ARHGAP24: variants seen among roughly 807,000 people sequenced by gnomAD.
The protein encoded by ARHGAP24 is Rho GTPase activating protein 24.
Under a neutral mutation model 76.4 loss-of-function variants are expected in ARHGAP24, and 50 were observed. The ratio of observed to expected loss-of-function variants is 0.65; its 90% confidence interval spans 0.52 to 0.83. The LOEUF is 0.83. Ranked by LOEUF, ARHGAP24 falls within the 40% of genes least tolerant of loss-of-function variation. The pLI is 0.00. For synonymous variants in ARHGAP24, 345 were observed against 323.3 expected (o/e 1.07, Z -0.72); for missense variants, 930 against 914.2 (o/e 1.02, Z -0.22).
At chr4:85,663,701 C>A (rs967928584) in intron 2 of ARHGAP24, among the ~76,000 whole-genome samples, 2 of 151,696 alleles carry the variant, frequency 1.3e-5, no homozygotes, top group African/African-American at 4.9e-5. Context: ...CCATCAATAT[C>A]TAATTTATTG....
At chr4:85,488,264 A>AGGGG (rs1723223376) in intron 1 of ARHGAP24, among the ~76,000 whole-genome samples, 1 of 151,664 alleles carries the variant, frequency 6.6e-6, no homozygotes, top group Admixed American at 6.6e-5. Context: ...TCCTGTGGAG[A>AGGGG]GGGGGAAAAG....
At chr4:85,599,201 G>C (rs895637379) in intron 2 of ARHGAP24, among the ~76,000 whole-genome samples, 1 of 152,032 alleles carries the variant, frequency 6.6e-6, no homozygotes, top group Non-Finnish European at 1.5e-5. Context: ...TTGCTGTGGA[G>C]AGATGTTTAG....
chr4:85,499,753 A>C (rs576892536), intron 1 of ARHGAP24, among the ~76,000 whole-genome samples: 78 of 152,350 alleles, frequency 5.1e-4, no homozygotes, highest in African/African-American at 1.8e-3. Context: ...ATAGAGACTC[A>C]TCTAGGTCTG....
chr4:85,866,413 C>G (rs2110184208), intron 3 of ARHGAP24, among the ~76,000 whole-genome samples: 1 of 152,252 alleles, frequency 6.6e-6, no homozygotes, highest in East Asian at 1.9e-4. Context: ...TGCCAGCAAG[C>G]AAAGTCTCTT....
chr4:85,731,893 A>C (rs1428848949), intron 3 of ARHGAP24, among the ~76,000 whole-genome samples: 1 of 152,200 alleles, frequency 6.6e-6, no homozygotes, highest in African/African-American at 2.4e-5. Context: ...AATGTTTTTT[A>C]ATAAAAGAAA....
At chr4:85,595,376 C>G (rs544136883) in intron 2 of ARHGAP24, among the ~76,000 whole-genome samples, 32 of 152,160 alleles carry the variant, frequency 2.1e-4, no homozygotes, top group African/African-American at 7.7e-4. Context: ...CAACTATAAA[C>G]AAGTCAGGTG....
rs79803173 is a variant in ARHGAP24 at position 85,639,971 on chromosome 4, C to T, written c.180+69250C>T. ...ACCATGTCTTCTTATTGTCTGTATC[C>T]TGATGCTTTGATATTAAGGGCCTTG... On this transcript the variant is annotated intron_variant, in intron 2 of 9. Transcript: ENST00000395184. Among the ~76,000 whole-genome samples the T allele has an allele frequency of 5.9e-3, 893 of 152,198 alleles. 6 individuals carry two copies. Among genetic ancestry groups the T allele is most frequent in the Middle Eastern group, 0.017 (5 of 294 alleles).
At chr4:85,902,270 C>T (rs1734537578) in intron 3 of ARHGAP24, among the ~76,000 whole-genome samples, 1 of 152,120 alleles carries the variant, frequency 6.6e-6, no homozygotes, top group Admixed American at 6.5e-5. Context: ...GTGGTAGAGA[C>T]CCCTGAAGAT....
At chr4:85,790,583 G>A (rs1000876479) in intron 3 of ARHGAP24, among the ~76,000 whole-genome samples, 5 of 152,106 alleles carry the variant, frequency 3.3e-5, no homozygotes, top group African/African-American at 1.2e-4. Context: ...ATTTATTAGA[G>A]AACTGTTCTT....
intron 4 of ARHGAP24, among the ~76,000 whole-genome samples, chr4:85,924,982 A>G (rs192546486): frequency 6.6e-6 from 1 of 152,284 alleles, no homozygotes; most frequent in Non-Finnish European, 1.5e-5. Flanking sequence ...GGATGACAAC[A>G]CATACGGTTA....
rs554875382 is a variant in ARHGAP24 at position 85,921,917 on chromosome 4, C to CA, written c.269-1730dup. On this transcript the variant is annotated intron_variant, in intron 3 of 9. Transcript: ENST00000395184. ...GTTCCATTCCGAAACCATCCCCCCC[C>CA]ACCACCCCATTTGTGGAAACAATGT... is the stretch of plus-strand genomic sequence containing the variant. 2.0e-3 allele frequency among the ~76,000 whole-genome samples: 300 copies of CA among 152,188 alleles called. 1 individual carries two copies. The highest frequency in any genetic ancestry group is 3.3e-3 in the South Asian group (16 of 4,806).
At chr4:85,763,492 G>A (rs1287979470) in intron 3 of ARHGAP24, among the ~76,000 whole-genome samples, 5 of 152,132 alleles carry the variant, frequency 3.3e-5, no homozygotes, top group Admixed American at 6.6e-5. Context: ...AAGGGATAGG[G>A]TAGATGAGGA....
At chr4:85,795,048 G>C (rs148298925) in intron 3 of ARHGAP24, among the ~76,000 whole-genome samples, 1 of 152,288 alleles carries the variant, frequency 6.6e-6, no homozygotes, top group Admixed American at 6.5e-5. Context: ...TTCGGAATTC[G>C]TAGATAATCT....
intron 2 of ARHGAP24, among the ~76,000 whole-genome samples, chr4:85,655,497 T>C (rs1001036288): frequency 1.5e-5 from 2 of 135,864 alleles, no homozygotes; most frequent in African/African-American, 5.6e-5. Context: ...AAATGAAAGT[T>C]TGGGGCCAGG....
intron 3 of ARHGAP24, among the ~76,000 whole-genome samples, chr4:85,842,748 T>C (rs345328): frequency 0.23 from 34,645 of 152,186 alleles, 5,282 homozygotes; most frequent in Non-Finnish European, 0.35. Context: ...CTTCCTTTTT[T>C]CTGCTTAATG....
intron 2 of ARHGAP24, among the ~76,000 whole-genome samples, chr4:85,628,105 C>G (rs1721031339): frequency 6.6e-6 from 1 of 152,272 alleles, no homozygotes; most frequent in African/African-American, 2.4e-5. Flanking sequence ...GTCTGGCACT[C>G]CCCGGTGAGA....
chr4:85,687,696 T>A (rs1373586117), intron 2 of ARHGAP24, among the ~76,000 whole-genome samples: 1 of 152,226 alleles, frequency 6.6e-6, no homozygotes, highest in Admixed American at 6.5e-5. Context: ...TGTCTTTGTA[T>A]TGTGAACAGT....
At chr4:85,582,226 T>A (rs1341935160) in intron 2 of ARHGAP24, among the ~76,000 whole-genome samples, 2 of 152,160 alleles carry the variant, frequency 1.3e-5, no homozygotes, top group African/African-American at 2.4e-5. Context: ...GTAAATATTC[T>A]GTTTTCTATC....
chr4:85,865,653 A>G (rs1484541908), intron 3 of ARHGAP24, among the ~76,000 whole-genome samples: 1 of 150,744 alleles, frequency 6.6e-6, no homozygotes, highest in African/African-American at 2.4e-5. Context: ...CAGAATTACA[A>G]TAAAGTGTAA....
Sources: allele counts gnomAD v4.1 joint callset (sites outside exome capture counted in the v4.1 genomes callset), GRCh38; gene constraint gnomAD v4.1.1; transcripts MANE v1.5; gene names NCBI Gene and HGNC (gene_info 2026-07-23, HGNC 2026-07-21).